Variants in TENM2 observed in about 807,000 individuals in gnomAD.
The protein encoded by TENM2 is teneurin transmembrane protein 2.
A neutral mutation model predicts 245.2 loss-of-function variants in TENM2; 52 were observed. The ratio of observed to expected loss-of-function variants is 0.21; its 90% CI spans 0.17 to 0.27. The LOEUF (loss-of-function observed/expected upper bound fraction) is 0.27, where lower values mean the gene tolerates loss of function less well. TENM2 is among the 10% of genes least tolerant of loss of function. TENM2 has a pLI of 1.00. For synonymous variants in TENM2, 1,363 were observed against 1,438.9 expected (o/e 0.95, Z 1.19); for missense variants, 3,046 against 3,666.8 (o/e 0.83, Z 4.37).
chr5:168,046,485 T>G (rs944464079), intron 5 of TENM2, among the ~76,000 whole-genome samples: 1 of 152,208 alleles, frequency 6.6e-6, no homozygotes, highest in Non-Finnish European at 1.5e-5. Flanking sequence ...GGGTTTGCTT[T>G]TCATTCCACT....
the TENM2 span, among the ~76,000 whole-genome samples, chr5:166,997,071 A>G: frequency 0.77 from 116,743 of 152,058 alleles, 45,226 homozygotes; most frequent in Non-Finnish European, 0.82. Flanking sequence ...ATTCACTTAT[A>G]GACACTCAAG....
chr5:167,784,579 C>T (rs1412416496), intron 2 of TENM2, among the ~76,000 whole-genome samples: 1 of 152,164 alleles, frequency 6.6e-6, no homozygotes, highest in Admixed American at 6.5e-5. Context: ...TGTTTACATT[C>T]CTAGTAGTCT....
Position 168,247,426 on chromosome 5 carries a change from G to A in TENM2, c.6487G>A (p.Val2163Ile). The change falls in exon 27 of 29, where the codon GTC becomes ATC. Residue 2163 changes from valine (V) to isoleucine (I), a missense_variant. This residue lies in a region of TENM2 where 2,704 missense variants were observed against 3,331.9 expected (regional missense o/e 0.81). Coordinates refer to ENST00000518659, the Ensembl canonical transcript of TENM2. The surrounding 1 kb of genome is among the most constrained non-coding windows in gnomAD (Gnocchi z 7.8). The stretch of plus-strand genomic sequence containing the variant: ...CGACACCCATGGGCGGATCAAGGAG[G>A]TCCAGTATGAGATGTTCCGGTCCCT... 1 of 1,613,928 alleles carries A rather than the reference G, an allele frequency of 6.2e-7. No homozygotes were observed. Among genetic ancestry groups the A allele is most frequent in the Non-Finnish European group, 8.5e-7 (1 of 1,179,860 alleles).
intron 2 of TENM2, among the ~76,000 whole-genome samples, chr5:167,484,400 G>C (rs974456347): frequency 3.3e-5 from 5 of 152,034 alleles, no homozygotes; most frequent in African/African-American, 1.2e-4. Context: ...TGGGCACAGC[G>C]CTGTGCATGA....
At chr5:167,399,007 T>TA (rs1474098290) in intron 2 of TENM2, among the ~76,000 whole-genome samples, 2 of 152,174 alleles carry the variant, frequency 1.3e-5, no homozygotes, top group African/African-American at 4.8e-5. Context: ...CTTGGGCAGA[T>TA]ATGTAAATCC....
At chr5:167,699,188 CAG>C (rs1317633631) in intron 2 of TENM2, among the ~76,000 whole-genome samples, 2 of 151,978 alleles carry the variant, frequency 1.3e-5, no homozygotes, top group African/African-American at 4.8e-5. Flanking sequence ...CTTCACAAAA[CAG>C]AGATAAAGAG....
the TENM2 span, among the ~76,000 whole-genome samples, chr5:167,163,350 C>G: frequency 6.6e-6 from 1 of 152,178 alleles, no homozygotes; most frequent in African/African-American, 2.4e-5. Context: ...CTCAGCCTCC[C>G]AAAATGCTGG....
chr5:168,035,769 G>T (rs1487103455), intron 5 of TENM2, among the ~76,000 whole-genome samples: 3 of 152,162 alleles, frequency 2.0e-5, no homozygotes, highest in Non-Finnish European at 4.4e-5. Context: ...ACAGGACCTT[G>T]CTAGAGTTGC....
intron 2 of TENM2, among the ~76,000 whole-genome samples, chr5:167,690,281 T>A (rs141182975): frequency 2.1e-4 from 32 of 152,126 alleles, no homozygotes; most frequent in Non-Finnish European, 4.0e-4. Flanking sequence ...TTATTTACTT[T>A]TATGTATTTT....
chr5:168,039,717 C>T (rs1039832714), intron 5 of TENM2, among the ~76,000 whole-genome samples: 4 of 151,860 alleles, frequency 2.6e-5, no homozygotes, highest in Admixed American at 6.6e-5. Flanking sequence ...CTGGCCACCC[C>T]GCACAAGGAA....
At chr5:167,735,044 T>A (rs942146300) in intron 2 of TENM2, among the ~76,000 whole-genome samples, 1 of 152,228 alleles carries the variant, frequency 6.6e-6, no homozygotes, top group Admixed American at 6.5e-5. Flanking sequence ...CCATTGTGAA[T>A]CTGGCTCTTT....
At chr5:167,385,707 C>G (rs1028293568) in intron 2 of TENM2, among the ~76,000 whole-genome samples, 6 of 151,898 alleles carry the variant, frequency 4.0e-5, no homozygotes, top group African/African-American at 1.5e-4. Context: ...CTTTCTTATG[C>G]TTTTGCATCC....
At chr5:168,221,316 A>G (rs1763653218) in intron 23 of TENM2, among the ~76,000 whole-genome samples, 1 of 152,038 alleles carries the variant, frequency 6.6e-6, no homozygotes, top group African/African-American at 2.4e-5. Context: ...GTGACTGTCT[A>G]AATATGGATT....
At chr5:167,542,241 T>A (rs1772259632) in intron 2 of TENM2, among the ~76,000 whole-genome samples, 1 of 152,148 alleles carries the variant, frequency 6.6e-6, no homozygotes, top group African/African-American at 2.4e-5. Context: ...AAAAATGCCA[T>A]AAGTCAGTCA....
At chr5:167,956,285 T>G (rs1199561414) in intron 4 of TENM2, among the ~76,000 whole-genome samples, 1 of 152,198 alleles carries the variant, frequency 6.6e-6, no homozygotes, top group African/African-American at 2.4e-5. Context: ...GTTATTGGTG[T>G]ATAAAAATGC....
chr5:167,609,180 T>G (rs1025364224), intron 2 of TENM2, among the ~76,000 whole-genome samples: 5 of 152,080 alleles, frequency 3.3e-5, no homozygotes, highest in Admixed American at 2.6e-4. Flanking sequence ...CATAAGAACC[T>G]TCAGAGTGGG....
intron 2 of TENM2, among the ~76,000 whole-genome samples, chr5:167,504,170 A>C (rs1769394113): frequency 6.6e-6 from 1 of 152,182 alleles, no homozygotes. Flanking sequence ...AAAATTGTTA[A>C]AGTGCCAAGT....
intron 2 of TENM2, among the ~76,000 whole-genome samples, chr5:167,869,241 T>C (rs1216738016): frequency 1.3e-5 from 2 of 152,212 alleles, no homozygotes; most frequent in Admixed American, 6.5e-5. Flanking sequence ...AATTACGTAT[T>C]ACATCTGTTG....
chr5:167,819,466 C>T (rs537222279), intron 2 of TENM2, among the ~76,000 whole-genome samples: 2 of 152,306 alleles, frequency 1.3e-5, no homozygotes, highest in African/African-American at 4.8e-5. Flanking sequence ...TGACTTCTTG[C>T]TTAGATGAAC....
Sources: gnomAD v4.1 joint callset for allele counts (sites outside exome capture counted in the v4.1 genomes callset) on GRCh38, gnomAD v4.1.1 for gene constraint, gnomAD v4.1.1 regional missense constraint, Gnocchi (gnomAD v3.1) non-coding constraint, MANE v1.5 for transcripts, NCBI Gene and HGNC (gene_info 2026-07-23, HGNC 2026-07-21) for gene names.